Variants in RAX observed in about 807,000 individuals in gnomAD.
RAX encodes the protein retina and anterior neural fold homeobox, also known as retinal homeobox protein Rx.
Under a neutral mutation model 17.4 loss-of-function variants are expected in RAX, and 11 were observed. The observed-to-expected ratio is 0.63, with a 90% CI of 0.40 to 1.05. The LOEUF is 1.05. Among genes scored for constraint, RAX ranks in the 50% least tolerant of loss-of-function variants. The pLI is 0.00. For missense variants in RAX, 527 were observed against 501.1 expected, an observed-to-expected ratio of 1.05 and a Z score of -0.49; for synonymous variants, 276 against 254.7, an observed-to-expected ratio of 1.08 and a Z score of -0.80.
intron 2 of RAX, 36 bp from the exon 3 acceptor site, chr18:59,269,537 C>T: frequency 6.3e-7 from 1 of 1,590,548 alleles, no homozygotes; most frequent in African/African-American, 1.3e-5. Flanking sequence ...CGGGCAGCAG[C>T]GGAGGCTGCG....
chr18:59,273,102 G>A lies in RAX; in HGVS notation c.105C>T (p.Ile35=), dbSNP rs758437978. Residue 35 remains isoleucine, a synonymous_variant, in exon 1 of 3, where the codon ATC becomes ATT. Coordinates refer to ENST00000334889, the MANE Select transcript of RAX (RefSeq NM_013435.3). Reference sequence around the variant, plus strand: ...CCTTGGTAAACCCCAGGATGGCCTCGATGCTGTGAAGTCGCGAGGTGCTCC... The same window carrying A: ...CCTTGGTAAACCCCAGGATGGCCTCAATGCTGTGAAGTCGCGAGGTGCTCC... ...PGGSTSRLHS[I]EAILGFTKDD... 1.3e-4 allele frequency: 200 copies of A among 1,534,966 alleles called. 1 individual carries two copies. Among genetic ancestry groups the A allele is most frequent in the Non-Finnish European group, 1.7e-4 (190 of 1,146,354 alleles).
At position 59,272,609 on chromosome 18, in the gene RAX, G is replaced by T. The variant is rs751882705; in HGVS notation, c.295C>A (p.Arg99=). ...PAPAPEYEAP[R]PYCPKEPGEA... ...CCGGGCTCCTTGGGGCAGTAGGGTC[G>T]AGGGGCTGGGGCGACGAGGCCCGGG... Residue 99 remains arginine, a synonymous_variant, in exon 2 of 3, where the codon CGA becomes AGA. Coordinates refer to ENST00000334889, the MANE Select transcript of RAX (RefSeq NM_013435.3). 25 of 1,610,476 alleles carry T rather than the reference G, an allele frequency of 1.6e-5. No individual in the cohort carries two copies. Among genetic ancestry groups the T allele is most frequent in the Non-Finnish European group, 2.1e-5 (25 of 1,179,420 alleles).
rs763981650 is a variant in RAX, at chr18:59,273,005, C to G, written c.202G>C (p.Gly68Arg). Residue 68 changes from glycine (G) to arginine (R), a missense_variant, in exon 1 of 3, where the codon GGC becomes CGC. Coordinates refer to ENST00000334889, the MANE Select transcript of RAX (RefSeq NM_013435.3). ...RGAKERDRRL[G>R]ARPACPKAPE... ...GCCTTGGGGCAGGCGGGCCGCGCGC[C>G]CAGCCTCCTATCCCGCTCCTTCGCG... 3 of 1,527,438 alleles carry G rather than the reference C, an allele frequency of 2.0e-6. No individual in the cohort carries two copies. Among genetic ancestry groups the G allele is most frequent in the Non-Finnish European group, 2.6e-6 (3 of 1,143,968 alleles). The allele number at this position is 1,527,438 out of a possible 1,614,324, so 94.6% of individuals were successfully genotyped here.
intron 2 of RAX, among the ~76,000 whole-genome samples, 166 bp downstream of exon 2, chr18:59,272,195 C>A (rs554783782): frequency 2.0e-5 from 3 of 152,234 alleles, no homozygotes; most frequent in Non-Finnish European, 4.4e-5. Context: ...AAGGGCGATG[C>A]ACAGGGAACA....
chr18:59,271,053 C>A (rs1416002561), intron 2 of RAX, among the ~76,000 whole-genome samples: 1 of 152,186 alleles, frequency 6.6e-6, no homozygotes, highest in Admixed American at 6.5e-5. Flanking sequence ...TGCCTAGTAT[C>A]TCTACCATCT....
At chr18:59,272,751 TG>T in intron 1 of RAX, 137 bp from the exon 2 acceptor site, 1 of 1,383,924 alleles carries the variant, frequency 7.2e-7, no homozygotes, top group Non-Finnish European at 9.5e-7. Context: ...AGGGCGGCGA[TG>T]GGTCCTAAGC....
rs2070305396 is a variant in RAX at position 59,268,860 on chromosome 18, G to A, written c.*144C>T. 1.5e-6 allele frequency: 2 copies of A among 1,342,718 alleles called. No homozygotes were observed. The highest frequency in any genetic ancestry group is 2.9e-5 in the African/African-American group (2 of 69,190). 83.2% of individuals were successfully genotyped at this position (1,342,718 alleles called of 1,614,324 possible). On this transcript the variant is annotated 3_prime_UTR_variant, in exon 3 of 3. Coordinates refer to ENST00000334889, the MANE Select transcript of RAX (RefSeq NM_013435.3). The surrounding 1 kb of genome is among the most constrained non-coding windows in gnomAD (Gnocchi z 4.4). Reference sequence around the variant, plus strand: ...CTCCCCGTGCATCGGGAGCAGGCGCGTGGCCCTGAACTATGCTTGGCGGGT... The same window carrying A: ...CTCCCCGTGCATCGGGAGCAGGCGCATGGCCCTGAACTATGCTTGGCGGGT...
intron 2 of RAX, among the ~76,000 whole-genome samples, chr18:59,270,334 T>A (rs2070327673): frequency 6.6e-6 from 1 of 152,266 alleles, no homozygotes; most frequent in South Asian, 2.1e-4. Flanking sequence ...TACTTTTACA[T>A]TACAAAGTTA....
chr18:59,269,083 C>G lies in RAX; in HGVS notation c.962G>C (p.Arg321Pro). 4 of 1,612,408 alleles carry G rather than the reference C, an allele frequency of 2.5e-6. No homozygotes were observed. The highest frequency in any genetic ancestry group is 3.4e-6 in the Non-Finnish European group (4 of 1,179,598). Residue 321 changes from arginine (R) to proline (P), a missense_variant, in exon 3 of 3, where the codon CGC becomes CCC. Coordinates refer to ENST00000334889, the MANE Select transcript of RAX (RefSeq NM_013435.3). ...DKFPLDEADP[R>P]NSSIAALRLK... is the part of the protein sequence containing the mutation. ...ACGCAGCGCCGCGATGCTGCTGTTG[C>G]GCGGGTCCGCCTCGTCCAGCGGGAA...
rs765024850 is a variant in RAX at position 59,269,123 on chromosome 18, C to T, written c.922G>A (p.Gly308Ser). 9 of 1,606,592 alleles carry T rather than the reference C, an allele frequency of 5.6e-6. No homozygotes were observed. In the Admixed American group the frequency reaches 1.0e-4, roughly 18 times the overall value. Residue 308 changes from glycine to serine, a missense_variant, in exon 3 of 3, where the codon GGC (glycine) becomes AGC (serine). By Grantham distance (56) the Gly-to-Ser change is moderately conservative. Coordinates refer to ENST00000334889, the MANE Select transcript of RAX (RefSeq NM_013435.3). ...PPPPSYPCGPGFGDKFPLDEA... is the reference protein window; with the variant it reads ...PPPPSYPCGPSFGDKFPLDEA... The stretch of plus-strand genomic sequence containing the variant: ...TCCAGCGGGAACTTGTCCCCGAAGC[C>T]GGGCCCGCACGGGTAGGAGGGCGGC...
chr18:59,269,926 C>A (rs1381419412), intron 2 of RAX, among the ~76,000 whole-genome samples: 2 of 152,040 alleles, frequency 1.3e-5, no homozygotes, highest in Non-Finnish European at 2.9e-5. Context: ...GCAATCGAAT[C>A]GTAGAACTTT....
Position 59,269,373 on chromosome 18 carries a change from G to C in RAX, c.672C>G (p.Leu224=). 6.7e-7 allele frequency: 1 copy of C among 1,487,224 alleles called. No individual in the cohort carries two copies. 92.1% of individuals were successfully genotyped at this position (1,487,224 alleles called of 1,614,324 possible). A position where few individuals can be genotyped will look rare whatever the true frequency, so the allele number is the denominator to read the frequency against. ...CGCCACCGCTGCCCGGGCCCGCCCC[G>C]AGGGGCGACAGCGTCGCGGAGGGCG... The part of the protein sequence containing the change: ...RSPPSATLSP[L]GAGPGSGGGP... The change falls in exon 3 of 3, where the codon CTC becomes CTG. Residue 224 remains leucine (L), a synonymous_variant. Coordinates refer to ENST00000334889, the MANE Select transcript of RAX (RefSeq NM_013435.3).
At position 59,270,125 on chromosome 18, in the gene RAX, A is replaced by C. The variant is rs960586162; in HGVS notation, c.544-624T>G. Among the ~76,000 whole-genome samples the C allele has an allele frequency of 2.0e-5, 3 of 152,244 alleles. 1 individual carries two copies. The East Asian group carries it at 5.8e-4, about 29-fold the overall frequency. ...ATATTGTTAAGTAGAGTAATTGGCA[A>C]GAATGGGCGTTAAAATTCAGCTCTT... On this transcript the variant is annotated intron_variant, in intron 2 of 2. Coordinates refer to ENST00000334889, the MANE Select transcript of RAX (RefSeq NM_013435.3).
rs1341979896 is a variant in RAX, at chr18:59,273,241, A to G, written c.-35T>C. The stretch of plus-strand genomic sequence containing the variant: ...CGGGAGGCGGGAGGGCGCTTTGGAG[A>G]CGGAGAGGAGAGGCTCGAAGCCGGG... On this transcript the variant is annotated 5_prime_UTR_variant, in exon 1 of 3. Coordinates refer to ENST00000334889, the MANE Select transcript of RAX (RefSeq NM_013435.3). 7 of 1,515,498 alleles carry G rather than the reference A, an allele frequency of 4.6e-6. No homozygotes were observed. The highest frequency in any genetic ancestry group is 6.2e-6 in the Non-Finnish European group (7 of 1,137,234). 93.9% of individuals were successfully genotyped at this position (1,515,498 alleles called of 1,614,324 possible). A position where few individuals can be genotyped will look rare whatever the true frequency, so the allele number is the denominator to read the frequency against.
chr18:59,269,646 G>T, intron 2 of RAX, 145 bp from the exon 3 acceptor site: 1 of 855,754 alleles, frequency 1.2e-6, no homozygotes, highest in Non-Finnish European at 1.7e-6. Flanking sequence ...TGCCGAGAGA[G>T]GCCCGGATCT....
Position 59,267,082 on chromosome 18 carries a change from C to A in RAX, c.*1922G>T, listed in dbSNP as rs1284973063. 1 of 152,224 alleles carries A rather than the reference C, an allele frequency of 6.6e-6. No homozygotes were observed. The highest frequency in any genetic ancestry group is 2.4e-5 in the African/African-American group (1 of 41,442). 9.4% of individuals were successfully genotyped at this position (152,224 alleles called of 1,614,324 possible). A position where few individuals can be genotyped will look rare whatever the true frequency, so the allele number is the denominator to read the frequency against. On this transcript the variant is annotated 3_prime_UTR_variant, in exon 3 of 3. Transcript: ENST00000334889. The stretch of plus-strand genomic sequence containing the variant: ...TTTCTTGCTAAAAGGTGATAACACA[C>A]GGGCTGCTCCATCCTCCTCCCCCAA...
In RAX at chr18:59,273,296, G is replaced by C; in HGVS notation, c.-90C>G. On this transcript the variant is annotated 5_prime_UTR_variant, in exon 1 of 3. Transcript: ENST00000334889. ...CCCGAGTGCGGCGGTGCAACCCGACGGGTCCCGACCCTAGGTCAAGCTCCG... is the reference window on the plus strand; with the variant it reads ...CCCGAGTGCGGCGGTGCAACCCGACCGGTCCCGACCCTAGGTCAAGCTCCG... The C allele has an allele frequency of 7.4e-7, 1 of 1,354,128 alleles. No individual in the cohort carries two copies. The highest frequency in any genetic ancestry group is 9.8e-7 in the Non-Finnish European group (1 of 1,018,072). 83.9% of individuals were successfully genotyped at this position (1,354,128 alleles called of 1,614,324 possible).
chr18:59,268,922 G>C lies in RAX; in HGVS notation c.*82C>G. On this transcript the variant is annotated 3_prime_UTR_variant, in exon 3 of 3. Coordinates refer to ENST00000334889, the MANE Select transcript of RAX (RefSeq NM_013435.3). This position sits in a 1 kb window ranked among gnomAD's most constrained non-coding sequence, Gnocchi z 4.4. ...ACAGGGAAAGAGGGGCCGAGCTGGG[G>C]AGGGGGGTTGTCCCTGGGAGAGAGG... The C allele has an allele frequency of 6.2e-7, 1 of 1,605,258 alleles. No individual in the cohort carries two copies. Among genetic ancestry groups the C allele is most frequent in the East Asian group, 2.2e-5 (1 of 44,768 alleles).
chr18:59,269,479 G>T lies in RAX; in HGVS notation c.566C>A (p.Ala189Asp). 1 of 1,596,552 alleles carries T rather than the reference G, an allele frequency of 6.3e-7. No homozygotes were observed. Among genetic ancestry groups the T allele is most frequent in the Non-Finnish European group, 8.5e-7 (1 of 1,179,212 alleles). Residue 189 changes from alanine to aspartate, a missense_variant, in exon 3 of 3, where the codon GCT (alanine) becomes GAT (aspartate). By Grantham distance (126) the Ala-to-Asp change is moderately radical. Coordinates refer to ENST00000334889, the MANE Select transcript of RAX (RefSeq NM_013435.3). Reference protein sequence around the residue: ...RVQVWFQNRRAKWRRQEKLEV... With the variant: ...RVQVWFQNRRDKWRRQEKLEV... ...CAGCTTCTCCTGCCGCCGCCACTTAGCCCGTCGGTTCTGGAACCACACCTG... is the reference window on the plus strand; with the variant it reads ...CAGCTTCTCCTGCCGCCGCCACTTATCCCGTCGGTTCTGGAACCACACCTG...
Sources: allele counts gnomAD v4.1 joint callset (sites outside exome capture counted in the v4.1 genomes callset), GRCh38; gene constraint gnomAD v4.1.1; non-coding constraint Gnocchi (gnomAD v3.1); transcripts MANE v1.5; gene names NCBI Gene and HGNC (gene_info 2026-07-23, HGNC 2026-07-21).